Variants in B3GAT1 observed in about 807,000 individuals in gnomAD.
The protein encoded by B3GAT1 is galactosylgalactosylxylosylprotein 3-beta-glucuronosyltransferase 1.
A neutral mutation model predicts 28.4 loss-of-function variants in B3GAT1; 11 were observed. The observed-to-expected ratio is 0.39, with a 90% CI of 0.24 to 0.64. B3GAT1 has a LOEUF of 0.64. B3GAT1 is among the 30% of genes least tolerant of loss of function. B3GAT1 has a pLI of 0.50. For missense variants in B3GAT1, 375 were observed against 491.0 expected (o/e 0.76, Z 2.23); for synonymous variants, 255 against 223.1 (o/e 1.14, Z -1.27).
At chr11:134,388,258 G>A (rs565954283) in intron 1 of B3GAT1, 24 of 233,432 alleles carry the variant, frequency 1.0e-4, no homozygotes, top group African/African-American at 3.1e-4. Flanking sequence ...AGTCATTTCC[G>A]TTCTCCATGC....
Position 134,384,019 on chromosome 11 carries a change from G to A in B3GAT1, c.282C>T (p.Ser94=). ...TCAGCTCGGCCTTCTGCACCGGGCGGCTGTAGGTGGGCGTCACCACGTGGA... is the reference window on the plus strand; with the variant it reads ...TCAGCTCGGCCTTCTGCACCGGGCGACTGTAGGTGGGCGTCACCACGTGGA... ...PTIHVVTPTY[S]RPVQKAELTR... Residue 94 remains serine (S), a synonymous_variant, in exon 3 of 6, where the codon AGC becomes AGT. Transcript: ENST00000312527. 1 of 1,605,522 alleles carries A rather than the reference G, an allele frequency of 6.2e-7. No individual in the cohort carries two copies.
chr11:134,405,617 C>T (rs970645529), intron 1 of B3GAT1, among the ~76,000 whole-genome samples: 2 of 152,176 alleles, frequency 1.3e-5, no homozygotes, highest in Non-Finnish European at 2.9e-5. Flanking sequence ...GCCCCGACCC[C>T]GGGGGTGGCA....
intron 1 of B3GAT1, chr11:134,388,158 CAGT>C: frequency 2.9e-6 from 1 of 343,858 alleles, no homozygotes; most frequent in Non-Finnish European, 5.8e-6. Context: ...TTATGAAAGT[CAGT>C]AGGGTGCAGG....
chr11:134,402,602 A>G (rs775223865), intron 1 of B3GAT1, among the ~76,000 whole-genome samples: 2 of 152,156 alleles, frequency 1.3e-5, no homozygotes, highest in Non-Finnish European at 2.9e-5. Context: ...TGCCTGAAGA[A>G]GAAACAATTA....
chr11:134,389,022 G>A (rs976995413), intron 1 of B3GAT1: 2 of 152,232 alleles, frequency 1.3e-5, no homozygotes, highest in Non-Finnish European at 2.9e-5. Context: ...GTTCTTGAGA[G>A]ATCTCCAAAT....
At position 134,387,892 on chromosome 11, in the gene B3GAT1, A is replaced by C. The variant is rs1019443021; in HGVS notation, c.-233T>G. On this transcript the variant is annotated 5_prime_UTR_variant, in exon 2 of 6. Coordinates refer to ENST00000312527, the MANE Select transcript of B3GAT1 (RefSeq NM_054025.3). ...AGTCCGGCCCAACTGGAGTCTGAGA[A>C]GGGGTCGCTGTCCAGGGGCAGGGGT... The C allele has an allele frequency of 2.3e-5, 34 of 1,506,762 alleles. No homozygotes were observed. In the Admixed American group the frequency reaches 6.2e-4, roughly 28 times the overall value. The allele number at this position is 1,506,762 out of a possible 1,614,324, so 93.3% of individuals were successfully genotyped here.
chr11:134,403,131 G>A (rs1016236514), intron 1 of B3GAT1, among the ~76,000 whole-genome samples: 2 of 152,010 alleles, frequency 1.3e-5, no homozygotes, highest in African/African-American at 2.4e-5. Flanking sequence ...GGGCGGCTAC[G>A]GATCCACGGT....
At position 134,404,016 on chromosome 11, in the gene B3GAT1, TATATATATATA is replaced by T. The variant is rs1565459391; in HGVS notation, c.-282+7780_-282+7790del. Among the ~76,000 whole-genome samples the T allele has an allele frequency of 4.3e-4, 54 of 125,300 alleles. No individual in the cohort carries two copies. In the East Asian group the frequency reaches 7.2e-3, roughly 17 times the overall value. The allele number at this position is 125,300 out of a possible 152,430, so 82.2% of individuals were successfully genotyped here. On this transcript the variant is annotated intron_variant, in intron 1 of 5. Transcript: ENST00000312527. The stretch of plus-strand genomic sequence containing the variant: ...ATATATATATATATATATATATATA[TATATATATATA>T]TATTTATTATACGTTAAGTTCTAGG...
At chr11:134,399,256 C>G (rs1944563023) in intron 1 of B3GAT1, among the ~76,000 whole-genome samples, 1 of 152,172 alleles carries the variant, frequency 6.6e-6, no homozygotes, top group Non-Finnish European at 1.5e-5. Context: ...ATGAATAGAC[C>G]ACGCCAGGAT....
At chr11:134,410,737 C>T (rs948414865) in intron 1 of B3GAT1, among the ~76,000 whole-genome samples, 1 of 152,160 alleles carries the variant, frequency 6.6e-6, no homozygotes, top group African/African-American at 2.4e-5. Context: ...GCCCCACAGC[C>T]CTAGTAACTT....
chr11:134,392,689 G>T (rs749569457), intron 1 of B3GAT1, among the ~76,000 whole-genome samples: 2 of 152,182 alleles, frequency 1.3e-5, no homozygotes, highest in Non-Finnish European at 2.9e-5. Context: ...TTGTCTATGG[G>T]TTTTAGGGTG....
intron 1 of B3GAT1, among the ~76,000 whole-genome samples, chr11:134,407,261 CCA>C (rs1387890007): frequency 5.9e-5 from 9 of 152,202 alleles, no homozygotes; most frequent in Admixed American, 3.3e-4. Context: ...TGCTCACCTG[CCA>C]CAGACAGAGG....
At chr11:134,383,517 G>A (rs2136303331) in intron 3 of B3GAT1, among the ~76,000 whole-genome samples, 163 bp downstream of exon 3, 1 of 152,308 alleles carries the variant, frequency 6.6e-6, no homozygotes, top group African/African-American at 2.4e-5. Flanking sequence ...GCTTTAGCCC[G>A]CAGTTCCATC....
intron 1 of B3GAT1, among the ~76,000 whole-genome samples, chr11:134,403,982 T>C (rs1565459198): frequency 1.6e-5 from 1 of 61,992 alleles, no homozygotes; most frequent in African/African-American, 7.5e-5. Flanking sequence ...AGTTTCTTTC[T>C]TTATATATAT....
rs1565454888 is a variant in B3GAT1, at chr11:134,393,590, T to G, written c.-281-5650A>C. 6.6e-6 allele frequency among the ~76,000 whole-genome samples: 1 copy of G among 152,250 alleles called. No homozygotes were observed. Among genetic ancestry groups the G allele is most frequent in the Non-Finnish European group, 1.5e-5 (1 of 68,038 alleles). On this transcript the variant is annotated intron_variant, in intron 1 of 5. Coordinates refer to ENST00000312527, the MANE Select transcript of B3GAT1 (RefSeq NM_054025.3). This position sits in a 1 kb window ranked among gnomAD's most constrained non-coding sequence, Gnocchi z 4.0. ...AGAACTTTTTTCTGGACTCACCTTA[T>G]GAAATTTTCATAGAAACAACACATT...
At position 134,412,138 on chromosome 11, in the gene B3GAT1, G is replaced by A. The variant is rs1410754350; in HGVS notation, c.-613C>T. Reference sequence around the variant, plus strand: ...CGGGGAGGGGGAGCGGGGAGCGGGCGCGGGGGCGAGAGGGGCGAGGGGGGC... The same window carrying A: ...CGGGGAGGGGGAGCGGGGAGCGGGCACGGGGGCGAGAGGGGCGAGGGGGGC... On this transcript the variant is annotated 5_prime_UTR_variant, in exon 1 of 6. Transcript: ENST00000312527. Among the ~76,000 whole-genome samples, 1 of 70,172 alleles carries A rather than the reference G, an allele frequency of 1.4e-5. No homozygotes were observed. Among genetic ancestry groups the A allele is most frequent in the Non-Finnish European group, 2.9e-5 (1 of 34,042 alleles). 46.0% of individuals were successfully genotyped at this position (70,172 alleles called of 152,430 possible).
chr11:134,383,909 G>T lies in B3GAT1; in HGVS notation c.392C>A (p.Ala131Glu), dbSNP rs767331871. Residue 131 changes from alanine (A) to glutamate (E), a missense_variant, in exon 3 of 6, where the codon GCG (alanine) becomes GAG (glutamate). Transcript: ENST00000312527. ...GAGGCCGGTGTCGCGCAGCAGGCGC[G>T]CGGTCAGCGGCGTCCGGCGCGGCGC... ...EDAPRRTPLT[A>E]RLLRDTGLNY... is the part of the protein sequence containing the mutation. The T allele has an allele frequency of 6.3e-7, 1 of 1,595,252 alleles. No individual in the cohort carries two copies. Among genetic ancestry groups the T allele is most frequent in the East Asian group, 2.3e-5 (1 of 44,378 alleles).
intron 1 of B3GAT1, among the ~76,000 whole-genome samples, chr11:134,395,173 G>A (rs1250137436): frequency 2.0e-5 from 3 of 151,832 alleles, no homozygotes; most frequent in Admixed American, 1.3e-4. Context: ...ACCGTGTGAC[G>A]ACATCACTTG....
intron 2 of B3GAT1, chr11:134,384,902 C>T (rs12806537): frequency 0.22 from 34,047 of 152,110 alleles, 4,744 homozygotes; most frequent in Admixed American, 0.33. Context: ...GTTTTCCATG[C>T]GTCCCTTCTC....
Sources: gnomAD v4.1 joint callset for allele counts (sites outside exome capture counted in the v4.1 genomes callset) on GRCh38, gnomAD v4.1.1 for gene constraint, Gnocchi (gnomAD v3.1) non-coding constraint, MANE v1.5 for transcripts, NCBI Gene and HGNC (gene_info 2026-07-23, HGNC 2026-07-21) for gene names.